Variants in CFAP92 observed in about 807,000 individuals in gnomAD.
The protein encoded by CFAP92 is cilia and flagella associated protein 92 (putative).
In CFAP92, 86 loss-of-function variants were observed where a neutral mutation model predicts 106.3. The observed-to-expected ratio is 0.81, with a 90% CI of 0.68 to 0.97. The LOEUF (loss-of-function observed/expected upper bound fraction) is 0.97. Among genes scored for constraint, CFAP92 ranks in the 50% least tolerant of loss-of-function variants. The pLI is 0.00. For synonymous variants in CFAP92, 477 were observed against 506.4 expected (o/e 0.94, Z 0.78); for missense variants, 1,204 against 1,283.8 (o/e 0.94, Z 0.95).
At chr3:128,969,672 C>G (rs927872813) in intron 8 of CFAP92, 4 of 152,184 alleles carry the variant, frequency 2.6e-5, no homozygotes, top group African/African-American at 9.7e-5. Flanking sequence ...TTTCCTCTCA[C>G]AGTAAAATCC....
chr3:129,002,003 C>T lies in CFAP92; in HGVS notation n.117+571G>A, dbSNP rs1422887055. ...TGGCCACGGACGGGGACTCAGATAC[C>T]GATGAAGAGGCGCGCCTGGCGCTGC... is the stretch of plus-strand genomic sequence containing the variant. On this transcript the variant is annotated intron_variant and non_coding_transcript_variant, in intron 1 of 4. Coordinates refer to the CFAP92 transcript ENST00000510149. 12 of 1,545,740 alleles carry T rather than the reference C, an allele frequency of 7.8e-6. No individual in the cohort carries two copies. The Admixed American group carries it at 9.9e-5, about 13-fold the overall frequency.
chr3:128,911,270 C>G (rs1323188709), intron 15 of CFAP92, among the ~76,000 whole-genome samples: 1 of 152,106 alleles, frequency 6.6e-6, no homozygotes, highest in East Asian at 1.9e-4. Flanking sequence ...GTTAGCCAGG[C>G]TGGTCTCCAA....
chr3:128,981,127 C>T (rs1943505226), intron 4 of CFAP92, among the ~76,000 whole-genome samples: 1 of 151,408 alleles, frequency 6.6e-6, no homozygotes, highest in Non-Finnish European at 1.5e-5. Context: ...AGCTCTGCCT[C>T]CCAGGTTCAC....
upstream of CFAP92, chr3:128,994,217 A>C (rs890296216): frequency 1.0e-4 from 93 of 902,836 alleles, no homozygotes; most frequent in Non-Finnish European, 1.1e-4. Context: ...CACTGCGCGC[A>C]GTTTGTCAAA....
intron 10 of CFAP92, among the ~76,000 whole-genome samples, chr3:128,942,355 T>G (rs1295628399): frequency 6.6e-6 from 1 of 152,224 alleles, no homozygotes; most frequent in African/African-American, 2.4e-5. Flanking sequence ...GCAAGCACAC[T>G]GCAGCCAGGC....
upstream of CFAP92, chr3:129,003,714 G>A (rs957021683): frequency 1.3e-4 from 166 of 1,236,060 alleles, no homozygotes; most frequent in Non-Finnish European, 1.4e-4. Flanking sequence ...AGAGGCATGG[G>A]GCCGCCGTCG....
chr3:129,000,557 G>A (rs1452433314), intron 1 of CFAP92, among the ~76,000 whole-genome samples: 1 of 152,176 alleles, frequency 6.6e-6, no homozygotes, highest in Non-Finnish European at 1.5e-5. Context: ...CCCGGTGCAG[G>A]TAACAGGTGG....
chr3:128,910,731 G>C (rs757427510), intron 15 of CFAP92: 1 of 1,614,214 alleles, frequency 6.2e-7, no homozygotes, highest in South Asian at 1.1e-5. Context: ...TCTGTCCTCG[G>C]TTCTGGCAGG....
chr3:128,993,947 G>A (rs1400259959), intron 1 of CFAP92, 33 bp downstream of exon 1: 3 of 988,152 alleles, frequency 3.0e-6, no homozygotes, highest in Middle Eastern at 5.2e-4. Context: ...GTGGGGGCAG[G>A]GGTCGGGGTT....
intron 4 of CFAP92, among the ~76,000 whole-genome samples, chr3:128,982,795 A>C (rs932000305): frequency 4.6e-5 from 7 of 152,238 alleles, no homozygotes; most frequent in African/African-American, 1.4e-4. Context: ...AGGGAGAGAC[A>C]GGAGAATGGC....
chr3:129,011,752 C>G, the CFAP92 span, among the ~76,000 whole-genome samples: 3 of 151,972 alleles, frequency 2.0e-5, no homozygotes. Context: ...ATGCCCCCAG[C>G]TGCACTTCTC....
chr3:128,943,920 G>GGT (rs1553747278), intron 10 of CFAP92, among the ~76,000 whole-genome samples: 1 of 110,134 alleles, frequency 9.1e-6, no homozygotes, highest in Non-Finnish European at 1.8e-5. Flanking sequence ...TATTTCCCCC[G>GGT]TTTTTTTTTT....
chr3:128,987,448 C>T (rs574461992), intron 4 of CFAP92, among the ~76,000 whole-genome samples, 168 bp downstream of exon 4: 23 of 152,248 alleles, frequency 1.5e-4, no homozygotes, highest in South Asian at 4.1e-4. Context: ...CCCTATGTGG[C>T]GCTTCCTGTC....
the CFAP92 span, among the ~76,000 whole-genome samples, chr3:129,017,983 C>T: frequency 6.6e-6 from 1 of 152,180 alleles, no homozygotes. Context: ...ATCAATGCTG[C>T]TCATTGAAGC....
upstream of CFAP92, chr3:129,003,773 C>CCAG: frequency 7.1e-7 from 1 of 1,405,300 alleles, no homozygotes; most frequent in Admixed American, 3.1e-5. Flanking sequence ...ACCCCCTGCC[C>CCAG]CTGCTGCCCT....
intron 9 of CFAP92, among the ~76,000 whole-genome samples, chr3:128,961,250 A>G (rs540699775): frequency 6.6e-6 from 1 of 152,192 alleles, no homozygotes; most frequent in African/African-American, 2.4e-5. Context: ...ATTCTTTTAC[A>G]CATCAGTCCC....
chr3:128,993,389 G>C (rs761921366), intron 1 of CFAP92, 53 bp from the exon 2 acceptor site: 319 of 1,516,278 alleles, frequency 2.1e-4, no homozygotes, highest in Non-Finnish European at 2.8e-4. Flanking sequence ...GGCTGCTCCA[G>C]GAGGTAAGCC....
At chr3:128,931,503 A>G (rs187234893) in intron 12 of CFAP92, among the ~76,000 whole-genome samples, 16 of 103,166 alleles carry the variant, frequency 1.6e-4, no homozygotes, top group African/African-American at 6.7e-4. Flanking sequence ...GTATATGTAT[A>G]TATGTATATA....
the CFAP92 span, among the ~76,000 whole-genome samples, chr3:129,025,748 CCCCAGGGCT>C: frequency 0.26 from 39,591 of 151,790 alleles, 5,455 homozygotes; most frequent in Middle Eastern, 0.38. Context: ...CAGTAGCACA[CCCCAGGGCT>C]CCCTGAGGAA....
Sources: gnomAD v4.1 joint callset for allele counts (sites outside exome capture counted in the v4.1 genomes callset) on GRCh38, gnomAD v4.1.1 for gene constraint, MANE v1.5 for transcripts, NCBI Gene and HGNC (gene_info 2026-07-23, HGNC 2026-07-21) for gene names.